SP110: variants seen among roughly 807,000 people sequenced by gnomAD.
The protein encoded by SP110 is interferon-induced protein 41, 30kD.
In SP110, 62 loss-of-function variants were observed where a neutral mutation model predicts 92.7. The observed-to-expected ratio is 0.67, with a 90% CI of 0.55 to 0.83. SP110 has a LOEUF of 0.83. Among genes scored for constraint, SP110 ranks in the 40% least tolerant of loss-of-function variants. The probability of loss-of-function intolerance (pLI) is 0.00; values close to 1 mark genes in which losing one functional copy is unlikely to be tolerated. For synonymous variants in SP110, 273 were observed against 305.3 expected (o/e 0.89, Z 1.10); for missense variants, 793 against 863.9 (o/e 0.92, Z 1.03).
intron 10 of SP110, among the ~76,000 whole-genome samples, chr2:230,198,221 A>G (rs866498311): frequency 8.5e-5 from 13 of 152,248 alleles, no homozygotes; most frequent in African/African-American, 3.1e-4. Context: ...ACACTTCCAC[A>G]GGCGGGAAAA....
exon 1 of SP110, chr2:230,225,603 A>G: frequency 1.7e-6 from 1 of 579,036 alleles, no homozygotes. Context: ...GGAACAAGTG[A>G]CCCTGTCTTC....
chr2:230,173,149 T>G lies in SP110; in HGVS notation c.1591-190A>C, dbSNP rs201553944. 21 of 587,548 alleles carry G rather than the reference T, an allele frequency of 3.6e-5. No individual in the cohort carries two copies. The East Asian group carries it at 6.8e-4, about 19-fold the overall frequency. The allele number at this position is 587,548 out of a possible 1,614,324, so 36.4% of individuals were successfully genotyped here. ...CAAATGGCACAACAAGCAGAGAGTCTGGGTGGTGACCGCCGCCACCAGGAC... is the reference window on the plus strand; with the variant it reads ...CAAATGGCACAACAAGCAGAGAGTCGGGGTGGTGACCGCCGCCACCAGGAC... On this transcript the variant is annotated intron_variant, in intron 14 of 18. Transcript: ENST00000258381.
At chr2:230,184,654 G>A (rs1280921607) in intron 11 of SP110, among the ~76,000 whole-genome samples, 1 of 150,552 alleles carries the variant, frequency 6.6e-6, no homozygotes, top group Non-Finnish European at 1.5e-5. Context: ...AACCAAATCA[G>A]AAAAACTAAT....
intron 10 of SP110, among the ~76,000 whole-genome samples, chr2:230,195,082 T>TG (rs948988852): frequency 9.2e-5 from 14 of 152,170 alleles, no homozygotes; most frequent in African/African-American, 3.4e-4. Flanking sequence ...TTTTTGAACT[T>TG]GGCCATATTC....
chr2:230,214,756 G>C (rs2044913411), intron 3 of SP110, among the ~76,000 whole-genome samples, 194 bp downstream of exon 3: 1 of 152,086 alleles, frequency 6.6e-6, no homozygotes, highest in African/African-American at 2.4e-5. Context: ...TCCTCTAGAA[G>C]TTCATCTTAG....
At chr2:230,212,308 C>A in intron 5 of SP110, 39 bp downstream of exon 5, 2 of 1,462,714 alleles carry the variant, frequency 1.4e-6, no homozygotes, top group African/African-American at 2.8e-5. Context: ...CCTTCACAGT[C>A]ACCTTGAGCT....
In SP110 at chr2:230,178,394, C is replaced by T. The variant is rs570892878; in HGVS notation, c.1349-139G>A. Reference sequence around the variant, plus strand: ...TTAGTTTGCAGGAACTCTTTCATCTCGAGTGACAGATAAGCTATGTGTACA... The same window carrying T: ...TTAGTTTGCAGGAACTCTTTCATCTTGAGTGACAGATAAGCTATGTGTACA... On this transcript the variant is annotated intron_variant, in intron 12 of 18. Transcript: ENST00000258381. 25 of 661,152 alleles carry T rather than the reference C, an allele frequency of 3.8e-5. No homozygotes were observed. In the East Asian group the frequency reaches 3.9e-4, roughly 10 times the overall value. 41.0% of individuals were successfully genotyped at this position (661,152 alleles called of 1,614,324 possible). A position where few individuals can be genotyped will look rare whatever the true frequency, so the allele number is the denominator to read the frequency against.
chr2:230,185,994 C>T lies in SP110; in HGVS notation c.1279G>A (p.Glu427Lys). 2 of 1,613,952 alleles carry T rather than the reference C, an allele frequency of 1.2e-6. No individual in the cohort carries two copies. Among genetic ancestry groups the T allele is most frequent in the Non-Finnish European group, 1.7e-6 (2 of 1,179,810 alleles). The change falls in exon 11 of 19, where the codon GAA becomes AAA. Residue 427 changes from glutamate (E) to lysine (K), a missense_variant and splice_region_variant. Transcript: ENST00000258381. ...TKCARKSRLK[E>K]KKKEKDICSS... ...TAGCAGATTCCATCATTAGCCTTAC[C>T]TTTCAATCTGGACTTTCGGGCACAT...
chr2:230,223,092 T>A (rs534088006), upstream of SP110, among the ~76,000 whole-genome samples: 1 of 151,520 alleles, frequency 6.6e-6, no homozygotes, highest in South Asian at 2.1e-4. Flanking sequence ...GCTAGAGTGC[T>A]GTGGCGCAAT....
At chr2:230,220,472 A>G (rs1162964149), upstream of SP110, among the ~76,000 whole-genome samples, 1 of 152,198 alleles carries the variant, frequency 6.6e-6, no homozygotes, top group Non-Finnish European at 1.5e-5. Context: ...AGATTATTAC[A>G]GGAAGAAATT....
At chr2:230,208,529 G>A (rs1391897443) in intron 7 of SP110, among the ~76,000 whole-genome samples, 1 of 152,214 alleles carries the variant, frequency 6.6e-6, no homozygotes, top group Non-Finnish European at 1.5e-5. Flanking sequence ...GTTAGGGTTT[G>A]TAGGACTAGC....
In SP110 at chr2:230,216,853, A is replaced by G. The variant is rs41309082; in HGVS notation, c.75T>C (p.Tyr25=). 162 of 1,614,008 alleles carry G rather than the reference A, an allele frequency of 1.0e-4. 2 individuals are homozygous for G. Among genetic ancestry groups the G allele is most frequent in the Non-Finnish European group, 8.0e-5 (94 of 1,179,988 alleles). Residue 25 remains tyrosine, a synonymous_variant, in exon 2 of 19, where the codon TAT becomes TAC. Transcript: ENST00000258381. ...AGAAGGGAAATGGCTTGTGTATGGC[A>G]TAGGCGATCCCCAGCTTCTGGTGCA... ...HFMHQKLGIA[Y]AIHKPFPFFE...
chr2:230,213,390 TAATA>T (rs2044716166), intron 3 of SP110, among the ~76,000 whole-genome samples: 1 of 152,218 alleles, frequency 6.6e-6, no homozygotes, highest in Non-Finnish European at 1.5e-5. Context: ...GTCTCTGTTT[TAATA>T]AATAAACAGA....
intron 16 of SP110, 138 bp downstream of exon 16, chr2:230,171,928 G>C: frequency 1.2e-6 from 1 of 841,296 alleles, no homozygotes. Context: ...TTTAGACTCT[G>C]AGTTTGGGCA....
chr2:230,206,113 G>A (rs921856310), intron 8 of SP110, among the ~76,000 whole-genome samples: 2 of 152,144 alleles, frequency 1.3e-5, no homozygotes, highest in African/African-American at 4.8e-5. Context: ...TGGACACTGG[G>A]ATCATACTAA....
rs113583785 is a variant in SP110, at chr2:230,199,148, A to AT, written c.1129+1736dup. On this transcript the variant is annotated intron_variant, in intron 10 of 18. Transcript: ENST00000258381. ...AGCTACTATTATTATTATTATTATT[A>AT]TTTTTTTTTTTTTTTAGTGGGGTGA... is the stretch of plus-strand genomic sequence containing the variant. Among the ~76,000 whole-genome samples, 1,043 of 139,076 alleles carry AT rather than the reference A, an allele frequency of 7.5e-3. 25 individuals are homozygous for AT. The highest frequency in any genetic ancestry group is 0.027 in the African/African-American group (950 of 35,746). The allele number at this position is 139,076 out of a possible 152,430, so 91.2% of individuals were successfully genotyped here.
At chr2:230,210,720 T>G (rs942215937) in intron 6 of SP110, among the ~76,000 whole-genome samples, 2 of 152,224 alleles carry the variant, frequency 1.3e-5, no homozygotes, top group African/African-American at 4.8e-5. Context: ...TCATCTCACA[T>G]GAAGCTGTCA....
intron 14 of SP110, among the ~76,000 whole-genome samples, chr2:230,175,447 C>T (rs34122378): frequency 0.1 from 15,430 of 152,182 alleles, 834 homozygotes; most frequent in Middle Eastern, 0.14. Context: ...AACTTGTGTT[C>T]GTCCCTAATT....
chr2:230,190,430 A>C (rs1327058925), intron 10 of SP110, among the ~76,000 whole-genome samples: 1 of 150,610 alleles, frequency 6.6e-6, no homozygotes, highest in East Asian at 2.0e-4. Context: ...AAATATGTTT[A>C]AGTTCCTTGT....
Sources: allele counts gnomAD v4.1 joint callset (sites outside exome capture counted in the v4.1 genomes callset), GRCh38; gene constraint gnomAD v4.1.1; transcripts MANE v1.5; gene names NCBI Gene and HGNC (gene_info 2026-07-23, HGNC 2026-07-21).